RPRD1A: variants seen among roughly 807,000 people sequenced by gnomAD.
RPRD1A encodes regulation of nuclear pre-mRNA domain containing 1A.
In RPRD1A, 9 loss-of-function variants were observed where a neutral mutation model predicts 37.8. The observed-to-expected ratio is 0.24, with a 90% CI of 0.14 to 0.42. RPRD1A has a LOEUF of 0.42. Ranked by LOEUF, RPRD1A falls within the 10% of genes least tolerant of loss-of-function variation. The pLI, the probability that RPRD1A is intolerant of heterozygous loss-of-function variation, is 1.00. For synonymous variants in RPRD1A, 138 were observed against 139.7 expected, an observed-to-expected ratio of 0.99 and a Z score of 0.08; for missense variants, 255 against 371.0, an observed-to-expected ratio of 0.69 and a Z score of 2.57.
In RPRD1A at chr18:36,006,992, G is replaced by T. The variant is rs185916942; in HGVS notation, c.790-13692C>A. Among the ~76,000 whole-genome samples the T allele has an allele frequency of 3.9e-3, 597 of 152,284 alleles. 2 individuals carry two copies. The highest frequency in any genetic ancestry group is 6.4e-3 in the Non-Finnish European group (433 of 68,008). On this transcript the variant is annotated intron_variant, in intron 6 of 6. Coordinates refer to ENST00000399022, the MANE Select transcript of RPRD1A (RefSeq NM_018170.5). ...AGGCATGAATAAAGCTGTATTATGT[G>T]TTCCTGTCTTCTTTACTCTTCCTAG...
intron 6 of RPRD1A, among the ~76,000 whole-genome samples, chr18:36,019,241 G>A (rs1025541663): frequency 5.3e-5 from 8 of 151,582 alleles, no homozygotes; most frequent in African/African-American, 1.7e-4. Flanking sequence ...CCGAGCAGCC[G>A]GGACTACAGG....
intron 1 of RPRD1A, among the ~76,000 whole-genome samples, chr18:36,042,549 T>G (rs757502389): frequency 6.6e-6 from 1 of 152,220 alleles, no homozygotes; most frequent in Non-Finnish European, 1.5e-5. Context: ...TAATTCAGAT[T>G]ATGAAAGACA....
chr18:36,038,778 G>C (rs1912375513), intron 1 of RPRD1A, among the ~76,000 whole-genome samples: 1 of 152,194 alleles, frequency 6.6e-6, no homozygotes, highest in South Asian at 2.1e-4. Context: ...GTGTGCCCTG[G>C]ATGTGAGACA....
intron 6 of RPRD1A, among the ~76,000 whole-genome samples, chr18:36,011,639 T>C (rs1910185730): frequency 6.6e-6 from 1 of 152,054 alleles, no homozygotes; most frequent in Non-Finnish European, 1.5e-5. Context: ...TCTCCAACAT[T>C]AACAATGGCA....
rs550636562 is a variant in RPRD1A at position 36,057,158 on chromosome 18, A to C, written c.151+10096T>G. On this transcript the variant is annotated intron_variant, in intron 1 of 6. Transcript: ENST00000399022. ...ATTGAGCCTGGGAGGTTGGGGCTGC[A>C]GTGGGCCTTGATTGGCCACCACACT... is the stretch of plus-strand genomic sequence containing the variant. 3.3e-5 allele frequency among the ~76,000 whole-genome samples: 5 copies of C among 151,040 alleles called. No homozygotes were observed. The East Asian group carries it at 9.8e-4, about 30-fold the overall frequency.
intron 2 of RPRD1A, among the ~76,000 whole-genome samples, chr18:36,031,742 C>T (rs1012822757): frequency 6.6e-6 from 1 of 152,222 alleles, no homozygotes; most frequent in African/African-American, 2.4e-5. Flanking sequence ...TTCTCACGCT[C>T]TCCCAGCCTC....
intron 6 of RPRD1A, among the ~76,000 whole-genome samples, chr18:35,996,977 C>CAAAAAAAAAAAAAA (rs200694089): frequency 3.6e-5 from 2 of 55,612 alleles, no homozygotes; most frequent in African/African-American, 1.5e-4. Flanking sequence ...GACCCTGTCT[C>CAAAAAAAAAAAAAA]AAAAAAAAAA....
At chr18:36,031,513 A>G (rs1451444091) in intron 2 of RPRD1A, among the ~76,000 whole-genome samples, 8 of 152,186 alleles carry the variant, frequency 5.3e-5, no homozygotes, top group Non-Finnish European at 1.0e-4. Flanking sequence ...GTTGTTATTT[A>G]TAAGTATCAC....
At chr18:36,043,401 C>G (rs925126470) in intron 1 of RPRD1A, among the ~76,000 whole-genome samples, 3 of 152,000 alleles carry the variant, frequency 2.0e-5, no homozygotes, top group Non-Finnish European at 4.4e-5. Context: ...TTAAGGAGAA[C>G]AAAAGAACAC....
At chr18:36,056,708 A>G (rs949820867) in intron 1 of RPRD1A, among the ~76,000 whole-genome samples, 1 of 152,174 alleles carries the variant, frequency 6.6e-6, no homozygotes, top group Non-Finnish European at 1.5e-5. Context: ...GTTAAAAAAA[A>G]ATTACCAGTT....
At chr18:36,028,239 TC>T (rs1241433917) in intron 4 of RPRD1A, 1 of 151,838 alleles carries the variant, frequency 6.6e-6, no homozygotes, top group African/African-American at 2.4e-5. Flanking sequence ...TTTAAACTAT[TC>T]CCTTGAAAAA....
chr18:36,049,496 A>G (rs967000475), intron 1 of RPRD1A, among the ~76,000 whole-genome samples: 24 of 152,174 alleles, frequency 1.6e-4, no homozygotes, highest in African/African-American at 5.8e-4. Flanking sequence ...TCATGTATAC[A>G]TGGACCCACA....
intron 6 of RPRD1A, among the ~76,000 whole-genome samples, chr18:36,013,229 C>CA (rs570192141): frequency 2.6e-5 from 4 of 151,904 alleles, no homozygotes; most frequent in Admixed American, 2.0e-4. Context: ...AAAAATCTGA[C>CA]AAAAAAATCT....
chr18:36,062,497 C>A (rs1400964939), intron 1 of RPRD1A, among the ~76,000 whole-genome samples: 1 of 151,354 alleles, frequency 6.6e-6, no homozygotes, highest in Admixed American at 6.6e-5. Context: ...GTGCTCACAG[C>A]AGCATTATTT....
chr18:36,056,295 T>G (rs567343133), intron 1 of RPRD1A, among the ~76,000 whole-genome samples: 19 of 148,316 alleles, frequency 1.3e-4, no homozygotes, highest in South Asian at 4.3e-4. Context: ...GGTTTTTGTG[T>G]TTTTTTTTTG....
At chr18:36,031,182 T>C in intron 2 of RPRD1A, 85 bp from the exon 3 acceptor site, 1 of 1,394,226 alleles carries the variant, frequency 7.2e-7, no homozygotes, top group Non-Finnish European at 9.4e-7. Context: ...TAACTTTAAA[T>C]ATAATCAGAC....
intron 1 of RPRD1A, among the ~76,000 whole-genome samples, chr18:36,046,095 T>C (rs1912933082): frequency 6.6e-6 from 1 of 152,200 alleles, no homozygotes; most frequent in Admixed American, 6.5e-5. Flanking sequence ...GTCATGATTT[T>C]TCTACTAAAA....
chr18:36,015,272 G>A (rs1324535951), intron 6 of RPRD1A, among the ~76,000 whole-genome samples: 1 of 150,638 alleles, frequency 6.6e-6, no homozygotes, highest in Non-Finnish European at 1.5e-5. Context: ...GAGTGCAGTG[G>A]CGTGATCTCC....
At chr18:36,028,077 A>ATTAAATT (rs1911505104) in intron 4 of RPRD1A, 1 of 152,270 alleles carries the variant, frequency 6.6e-6, no homozygotes, top group African/African-American at 2.4e-5. Flanking sequence ...AAGAAAAACA[A>ATTAAATT]TTAAATTTTA....
Sources: allele counts gnomAD v4.1 joint callset (sites outside exome capture counted in the v4.1 genomes callset), GRCh38; gene constraint gnomAD v4.1.1; transcripts MANE v1.5; gene names NCBI Gene and HGNC (gene_info 2026-07-23, HGNC 2026-07-21).